BPGM: variants seen among roughly 807,000 people sequenced by gnomAD.
The protein encoded by BPGM is bisphosphoglycerate mutase.
A neutral mutation model predicts 21.6 loss-of-function variants in BPGM; 15 were observed. That is an observed-to-expected ratio of 0.70 (90% CI 0.47 to 1.07). The LOEUF (loss-of-function observed/expected upper bound fraction) is 1.07. BPGM is among the 50% of genes least tolerant of loss of function. BPGM has a pLI of 0.00. For synonymous variants in BPGM, 113 were observed against 116.2 expected (o/e 0.97, Z 0.18); for missense variants, 273 against 319.0 (o/e 0.86, Z 1.10).
chr7:134,652,550 G>A (rs2131415777), intron 1 of BPGM, among the ~76,000 whole-genome samples: 2 of 152,046 alleles, frequency 1.3e-5, no homozygotes, highest in Middle Eastern at 3.4e-3. Context: ...TCACCCTATT[G>A]TGCTACTGAA....
chr7:134,658,940 G>A (rs1308636110), intron 1 of BPGM, among the ~76,000 whole-genome samples: 1 of 139,294 alleles, frequency 7.2e-6, no homozygotes, highest in Non-Finnish European at 1.5e-5. Flanking sequence ...AATGCAGTAA[G>A]CAAATATAGG....
chr7:134,648,426 C>T (rs969936207), intron 1 of BPGM, among the ~76,000 whole-genome samples: 7 of 152,240 alleles, frequency 4.6e-5, no homozygotes, highest in South Asian at 2.1e-4. Context: ...TGAGCTACCG[C>T]GCCCGGCCTT....
At chr7:134,674,870 C>A (rs1003265290) in intron 2 of BPGM, among the ~76,000 whole-genome samples, 1 of 152,144 alleles carries the variant, frequency 6.6e-6, no homozygotes, top group African/African-American at 2.4e-5. Context: ...CTTTTGCATA[C>A]CTGATTTTAC....
chr7:134,653,835 G>T (rs1298669727), intron 1 of BPGM, among the ~76,000 whole-genome samples: 2 of 152,164 alleles, frequency 1.3e-5, no homozygotes, highest in Non-Finnish European at 2.9e-5. Context: ...TTTATGGAAA[G>T]AATATTTTTT....
At chr7:134,668,369 G>A (rs546113569) in intron 2 of BPGM, among the ~76,000 whole-genome samples, 2 of 148,574 alleles carry the variant, frequency 1.3e-5, no homozygotes, top group African/African-American at 5.3e-5. Context: ...CCTATTCTTT[G>A]TTTGGAATAC....
chr7:134,647,497 C>T (rs138632114), intron 1 of BPGM, among the ~76,000 whole-genome samples: 1 of 152,290 alleles, frequency 6.6e-6, no homozygotes, highest in Non-Finnish European at 1.5e-5. Flanking sequence ...GTGTATTTTC[C>T]TCTTTTCTAA....
intron 1 of BPGM, among the ~76,000 whole-genome samples, chr7:134,651,866 T>C (rs1214156365): frequency 1.3e-5 from 2 of 152,324 alleles, no homozygotes; most frequent in Admixed American, 6.5e-5. Context: ...AGCAATTACA[T>C]AGCACCTACT....
At chr7:134,670,121 G>T (rs1795881759) in intron 2 of BPGM, among the ~76,000 whole-genome samples, 1 of 152,180 alleles carries the variant, frequency 6.6e-6, no homozygotes, top group South Asian at 2.1e-4. Flanking sequence ...CAGAGGAAAT[G>T]GATTGTTTAG....
chr7:134,672,154 ATTATTTCTTCC>A (rs1438389120), intron 2 of BPGM, among the ~76,000 whole-genome samples: 1 of 152,114 alleles, frequency 6.6e-6, no homozygotes, highest in Non-Finnish European at 1.5e-5. Context: ...CCAAACTTTC[ATTATTTCTTCC>A]TTAAAATATC....
intron 2 of BPGM, among the ~76,000 whole-genome samples, chr7:134,662,802 A>G (rs1464380757): frequency 6.6e-6 from 1 of 152,256 alleles, no homozygotes; most frequent in African/African-American, 2.4e-5. Flanking sequence ...AGCAGCAGCC[A>G]TAATTTTAAC....
intron 1 of BPGM, among the ~76,000 whole-genome samples, chr7:134,648,073 C>CCCAA (rs374180461): frequency 0.57 from 84,946 of 148,312 alleles, 24,880 homozygotes; most frequent in East Asian, 0.87. Context: ...GCTGGGATTA[C>CCCAA]AGGCGTGAGC....
chr7:134,656,068 C>T (rs1138296), intron 1 of BPGM, among the ~76,000 whole-genome samples: 2 of 152,198 alleles, frequency 1.3e-5, no homozygotes, highest in African/African-American at 2.4e-5. Flanking sequence ...CCAGCCATGT[C>T]ACCATCACCT....
At position 134,649,173 on chromosome 7, in the gene BPGM, TG is replaced by T. The variant is rs201759827; in HGVS notation, c.-62+2237del. Among the ~76,000 whole-genome samples, 732 of 145,612 alleles carry T rather than the reference TG, an allele frequency of 5.0e-3. 8 individuals carry two copies. Among genetic ancestry groups the T allele is most frequent in the African/African-American group, 0.014 (553 of 38,620 alleles). On this transcript the variant is annotated intron_variant, in intron 1 of 2. Coordinates refer to ENST00000344924, the MANE Select transcript of BPGM (RefSeq NM_001724.5). Reference sequence around the variant, plus strand: ...GTTATTTGAAAATTTACAATTAAATTGTTTTTTTTTTTACTATAGTCACCCT... The same window carrying T: ...GTTATTTGAAAATTTACAATTAAATTTTTTTTTTTTTACTATAGTCACCCT...
chr7:134,659,380 TG>T (rs1795693571), intron 1 of BPGM, among the ~76,000 whole-genome samples: 2 of 105,312 alleles, frequency 1.9e-5, no homozygotes, highest in African/African-American at 8.4e-5. Flanking sequence ...TCCGTGTGTG[TG>T]TGTGTGTGTG....
intron 2 of BPGM, among the ~76,000 whole-genome samples, chr7:134,662,925 G>A (rs1463899549): frequency 6.6e-6 from 1 of 152,212 alleles, no homozygotes; most frequent in South Asian, 2.1e-4. Flanking sequence ...TTGAGCATCA[G>A]TGATTGCACT....
At chr7:134,668,762 T>C (rs1471365374) in intron 2 of BPGM, among the ~76,000 whole-genome samples, 1 of 152,226 alleles carries the variant, frequency 6.6e-6, no homozygotes, top group Non-Finnish European at 1.5e-5. Flanking sequence ...AGCAAACTAT[T>C]GATACACCCA....
At chr7:134,672,823 T>C (rs889258257) in intron 2 of BPGM, among the ~76,000 whole-genome samples, 8 of 152,108 alleles carry the variant, frequency 5.3e-5, no homozygotes, top group African/African-American at 1.9e-4. Context: ...ATGTAACTTA[T>C]GCCAAAATTG....
chr7:134,654,651 G>A (rs1795610318), intron 1 of BPGM, among the ~76,000 whole-genome samples: 1 of 152,128 alleles, frequency 6.6e-6, no homozygotes, highest in African/African-American at 2.4e-5. Context: ...TTACAGGTAG[G>A]TAAGAAAATG....
rs78318087 is a variant in BPGM at position 134,659,418 on chromosome 7, A to T, written c.-61-2029A>T. Among the ~76,000 whole-genome samples the T allele has an allele frequency of 4.2e-3, 613 of 147,130 alleles. 9 individuals are homozygous for T. Among genetic ancestry groups the T allele is most frequent in the African/African-American group, 0.015 (589 of 39,104 alleles). On this transcript the variant is annotated intron_variant, in intron 1 of 2. Coordinates refer to ENST00000344924, the MANE Select transcript of BPGM (RefSeq NM_001724.5). ...GTGTGTGTGTGTGTGTGTGTTCATC[A>T]CCTGGTTTCTCACAGGTGAGGGGCT... is the stretch of plus-strand genomic sequence containing the variant.
Sources: gnomAD v4.1 joint callset for allele counts (sites outside exome capture counted in the v4.1 genomes callset) on GRCh38, gnomAD v4.1.1 for gene constraint, MANE v1.5 for transcripts, NCBI Gene and HGNC (gene_info 2026-07-23, HGNC 2026-07-21) for gene names.